The following PDE10A variants were observed in gnomAD, a reference collection of about 807,000 sequenced individuals.
PDE10A encodes cAMP and cAMP-inhibited cGMP 3',5'-cyclic phosphodiesterase 10A.
Under a neutral mutation model 97.7 loss-of-function variants are expected in PDE10A, and 39 were observed. That is an observed-to-expected ratio of 0.40 (90% confidence interval 0.31 to 0.52). The LOEUF (loss-of-function observed/expected upper bound fraction) is 0.52, where lower values mean the gene tolerates loss of function less well. PDE10A is among the 20% of genes least tolerant of loss of function. The pLI is 0.56. For synonymous variants in PDE10A, 371 were observed against 376.8 expected (o/e 0.98, Z 0.18); for missense variants, 731 against 1,047.8 (o/e 0.70, Z 4.17).
intron 13 of PDE10A, among the ~76,000 whole-genome samples, chr6:165,406,262 TTC>T (rs1787157158): frequency 2.3e-5 from 1 of 43,012 alleles, no homozygotes; most frequent in Non-Finnish European, 5.2e-5. Flanking sequence ...GTGTGTGTGT[TTC>T]TGTGTGTGAT....
chr6:165,975,287 T>C (rs1477121211), intron 1 of PDE10A, among the ~76,000 whole-genome samples: 1 of 152,202 alleles, frequency 6.6e-6, no homozygotes, highest in African/African-American at 2.4e-5. Flanking sequence ...TGATTCACCC[T>C]AACTCAAGGG....
rs377576148 is a variant in PDE10A at position 165,770,877 on chromosome 6, G to A, written c.-615+216652C>T. Among the ~76,000 whole-genome samples the A allele has an allele frequency of 1.3e-4, 20 of 152,314 alleles. 1 individual carries two copies. The highest frequency in any genetic ancestry group is 4.8e-4 in the African/African-American group (20 of 41,584). On this transcript the variant is annotated intron_variant, in intron 1 of 19. Transcript: ENST00000366882. ...CCCCAGGTGCTCCCGGGGCCACCTT[G>A]CACGTGAGCACACTGCGCCTCCACC...
Position 165,328,157 on chromosome 6 carries a change from A to T in PDE10A, c.*4868T>A, listed in dbSNP as rs1429905511. The T allele has an allele frequency of 6.6e-6, 1 of 152,250 alleles. No homozygotes were observed. Among genetic ancestry groups the T allele is most frequent in the African/African-American group, 2.4e-5 (1 of 41,466 alleles). 9.4% of individuals were successfully genotyped at this position (152,250 alleles called of 1,614,324 possible). ...ATTACACTCTGAACTTGCACACGAA[A>T]TGAACACATAGCATATACACCATAC... is the stretch of plus-strand genomic sequence containing the variant. On this transcript the variant is annotated 3_prime_UTR_variant, in exon 22 of 22. Coordinates refer to ENST00000539869, the MANE Select transcript of PDE10A (RefSeq NM_001385079.1).
intron 3 of PDE10A, among the ~76,000 whole-genome samples, chr6:165,458,437 G>A (rs1029849495): frequency 1.3e-5 from 2 of 152,096 alleles, no homozygotes; most frequent in South Asian, 2.1e-4. Context: ...CCTTTTATCA[G>A]GAAGAGGGTC....
chr6:165,423,588 C>T (rs988432557), intron 10 of PDE10A, among the ~76,000 whole-genome samples: 4 of 152,118 alleles, frequency 2.6e-5, no homozygotes, highest in Non-Finnish European at 5.9e-5. Context: ...CCAGATTAGG[C>T]CGGGCGCGGT....
chr6:165,399,876 C>G (rs1245603231), intron 13 of PDE10A, among the ~76,000 whole-genome samples: 2 of 152,144 alleles, frequency 1.3e-5, no homozygotes, highest in Non-Finnish European at 2.9e-5. Context: ...AATAGTGCCG[C>G]AATAAACATA....
At chr6:165,764,929 C>T (rs371189666) in intron 1 of PDE10A, among the ~76,000 whole-genome samples, 15,692 of 151,970 alleles carry the variant, frequency 0.1, 990 homozygotes, top group South Asian at 0.19. Flanking sequence ...TTTGACAGGG[C>T]ACTGATTGGT....
Position 165,482,305 on chromosome 6 carries a change from C to T in PDE10A, c.1023+10G>A, listed in dbSNP as rs763514283. 3.2e-6 allele frequency: 5 copies of T among 1,568,698 alleles called. No individual in the cohort carries two copies. The highest frequency in any genetic ancestry group is 4.4e-6 in the Non-Finnish European group (5 of 1,138,910). On this transcript the variant is annotated intron_variant, in intron 3 of 21. Coordinates refer to ENST00000539869, the MANE Select transcript of PDE10A (RefSeq NM_001385079.1). ...ACTGCAGTAGTAGAAATAATATTCACATCACTTACCCTGCTGACTTCCTTA... is the reference window on the plus strand; with the variant it reads ...ACTGCAGTAGTAGAAATAATATTCATATCACTTACCCTGCTGACTTCCTTA...
At chr6:165,410,957 G>T (rs1787736692) in intron 13 of PDE10A, among the ~76,000 whole-genome samples, 1 of 18,552 alleles carries the variant, frequency 5.4e-5, no homozygotes. Context: ...GCGTGGTGGC[G>T]GTGCCTGTAG....
At chr6:165,615,105 G>A (rs1448938451) in intron 1 of PDE10A, among the ~76,000 whole-genome samples, 1 of 151,560 alleles carries the variant, frequency 6.6e-6, no homozygotes, top group Non-Finnish European at 1.5e-5. Context: ...AGCTACTCAG[G>A]AGGCTGAGGC....
chr6:165,668,635 G>A (rs1583753715), intron 1 of PDE10A, among the ~76,000 whole-genome samples: 2 of 151,706 alleles, frequency 1.3e-5, no homozygotes, highest in Non-Finnish European at 2.9e-5. Context: ...CAGGGACTTG[G>A]AGAACTGATT....
intron 18 of PDE10A, among the ~76,000 whole-genome samples, chr6:165,354,261 A>G (rs1272858332): frequency 6.6e-6 from 1 of 152,190 alleles, no homozygotes; most frequent in Non-Finnish European, 1.5e-5. Context: ...TAACAGAGAA[A>G]AAAATAATTT....
chr6:165,397,064 G>C (rs191857589), intron 13 of PDE10A, among the ~76,000 whole-genome samples: 101 of 152,298 alleles, frequency 6.6e-4, no homozygotes, highest in African/African-American at 1.0e-3. Context: ...TGTGTCTACA[G>C]AGTAAGTATA....
At chr6:165,735,869 C>T (rs1243114624) in intron 1 of PDE10A, among the ~76,000 whole-genome samples, 1 of 152,184 alleles carries the variant, frequency 6.6e-6, no homozygotes, top group Non-Finnish European at 1.5e-5. Flanking sequence ...TCACAGATTC[C>T]TTATTTGTGA....
chr6:165,452,444 G>A (rs1439859789), intron 3 of PDE10A, among the ~76,000 whole-genome samples: 1 of 152,164 alleles, frequency 6.6e-6, no homozygotes, highest in African/African-American at 2.4e-5. Flanking sequence ...AAAAGGCAGA[G>A]CCCTTGTGAA....
At position 165,918,625 on chromosome 6, in the gene PDE10A, T is replaced by C. The variant is rs535627069; in HGVS notation, c.-615+68904A>G. 2.5e-4 allele frequency among the ~76,000 whole-genome samples: 38 copies of C among 152,388 alleles called. 1 individual carries two copies. The South Asian group carries it at 3.5e-3, about 14-fold the overall frequency. On this transcript the variant is annotated intron_variant, in intron 1 of 19. Transcript: ENST00000366882. ...AACAGATTTTGATATTGCCATTTTG[T>C]ATATGTGCCTATAGTAGCTCATAAA...
chr6:165,727,013 G>A (rs989773634), intron 1 of PDE10A, among the ~76,000 whole-genome samples: 4 of 152,186 alleles, frequency 2.6e-5, no homozygotes, highest in Admixed American at 1.3e-4. Context: ...CTCGCGTGGG[G>A]GGTTCCCCTG....
intron 1 of PDE10A, among the ~76,000 whole-genome samples, chr6:165,564,809 G>A (rs760536339): frequency 3.3e-5 from 5 of 152,102 alleles, no homozygotes; most frequent in African/African-American, 4.8e-5. Context: ...ATGAATCAAG[G>A]TTTCTTCCTG....
intron 2 of PDE10A, among the ~76,000 whole-genome samples, chr6:165,516,207 A>G (rs1436139443): frequency 6.6e-6 from 1 of 152,116 alleles, no homozygotes; most frequent in Non-Finnish European, 1.5e-5. Flanking sequence ...TCCGTCTTCC[A>G]TCTACAATTT....
Sources: gnomAD v4.1 joint callset for allele counts (sites outside exome capture counted in the v4.1 genomes callset) on GRCh38, gnomAD v4.1.1 for gene constraint, MANE v1.5 for transcripts, NCBI Gene and HGNC (gene_info 2026-07-23, HGNC 2026-07-21) for gene names.